Variants in CNTN5 observed in about 807,000 individuals in gnomAD.
The protein encoded by CNTN5 is contactin-5.
CNTN5 carries 77 observed loss-of-function variants against 129.1 expected under a neutral mutation model. The ratio of observed to expected loss-of-function variants is 0.60; its 90% CI spans 0.50 to 0.72. The LOEUF is 0.72. Ranked by LOEUF, CNTN5 falls within the 30% of genes least tolerant of loss-of-function variation. CNTN5 has a pLI of 0.00. For missense variants in CNTN5, 1,478 were observed against 1,328.8 expected (o/e 1.11, Z -1.75); for synonymous variants, 509 against 465.6 (o/e 1.09, Z -1.20).
At chr11:99,069,941 C>G (rs1012860145) in intron 1 of CNTN5, among the ~76,000 whole-genome samples, 1 of 152,130 alleles carries the variant, frequency 6.6e-6, no homozygotes, top group Admixed American at 6.6e-5. Context: ...ATTTAATTAG[C>G]CATTTAACTT....
chr11:99,856,385 T>C (rs182228112), intron 6 of CNTN5, among the ~76,000 whole-genome samples: 27 of 152,272 alleles, frequency 1.8e-4, no homozygotes, highest in Admixed American at 1.2e-3. Flanking sequence ...ACACCTTATC[T>C]TTCACAACTT....
intron 2 of CNTN5, among the ~76,000 whole-genome samples, chr11:99,439,721 A>AAAAAG (rs1565583475): frequency 1.6e-4 from 23 of 145,728 alleles, no homozygotes; most frequent in Non-Finnish European, 2.3e-4. Context: ...AAAAAAAAAA[A>AAAAAG]AAAAGAAAAA....
intron 2 of CNTN5, among the ~76,000 whole-genome samples, chr11:99,344,287 C>T (rs1866653992): frequency 6.6e-6 from 1 of 152,068 alleles, no homozygotes; most frequent in Non-Finnish European, 1.5e-5. Context: ...GAGGAATTAC[C>T]TTTCTCATTG....
intron 6 of CNTN5, among the ~76,000 whole-genome samples, chr11:99,915,201 G>T (rs951380914): frequency 6.6e-6 from 1 of 151,998 alleles, no homozygotes; most frequent in African/African-American, 2.4e-5. Context: ...TAGTCTAAAA[G>T]TTGTCTTATT....
intron 13 of CNTN5, among the ~76,000 whole-genome samples, chr11:100,163,610 C>A (rs918977649): frequency 2.0e-5 from 3 of 151,606 alleles, no homozygotes; most frequent in African/African-American, 7.3e-5. Flanking sequence ...GTCCTGAAAT[C>A]AATCAATCAG....
intron 19 of CNTN5, among the ~76,000 whole-genome samples, 187 bp from the exon 20 acceptor site, chr11:100,298,975 C>T (rs1463754343): frequency 6.6e-6 from 1 of 151,270 alleles, no homozygotes; most frequent in African/African-American, 2.4e-5. Flanking sequence ...CTTCTTTTAC[C>T]TTTAAAGCTT....
intron 20 of CNTN5, among the ~76,000 whole-genome samples, chr11:100,304,003 G>A (rs1179243018): frequency 6.6e-6 from 1 of 151,492 alleles, no homozygotes; most frequent in Non-Finnish European, 1.5e-5. Context: ...TGCTCTAAGG[G>A]TCTCTTGGGA....
At chr11:100,009,751 G>A (rs552249706) in intron 9 of CNTN5, among the ~76,000 whole-genome samples, 3 of 152,250 alleles carry the variant, frequency 2.0e-5, no homozygotes, top group South Asian at 2.1e-4. Context: ...TAGATGTAAT[G>A]TTCCCTGAAA....
At chr11:99,318,935 T>A (rs891199787) in intron 1 of CNTN5, among the ~76,000 whole-genome samples, 4 of 152,178 alleles carry the variant, frequency 2.6e-5, no homozygotes, top group African/African-American at 9.7e-5. Flanking sequence ...TAATTGAAAA[T>A]CTGCAGTCTT....
At chr11:99,471,159 A>C (rs995381568) in intron 2 of CNTN5, among the ~76,000 whole-genome samples, 4 of 151,864 alleles carry the variant, frequency 2.6e-5, no homozygotes, top group Admixed American at 2.0e-4. Context: ...TAAAAAAAAA[A>C]ACAAATTTTC....
chr11:100,297,678 T>A lies in CNTN5; in HGVS notation c.2368T>A (p.Leu790Ile), dbSNP rs141228828. The A allele has an allele frequency of 9.0e-3, 14,417 of 1,602,930 alleles. 80 individuals carry two copies. The highest frequency in any genetic ancestry group is 0.011 in the Non-Finnish European group (12,525 of 1,173,524). The change falls in exon 19 of 25, where the codon TTA (leucine) becomes ATA (isoleucine). Residue 790 changes from leucine to isoleucine, a missense_variant. Leu to Ile is a conservative substitution (Grantham distance 5). Transcript: ENST00000524871. Reference sequence around the variant, plus strand: ...CGGAAGAAGTGGAAGAAGGCATGAGTTAGTCATTGCCTGGGAGGTAAGAAA... The same window carrying A: ...CGGAAGAAGTGGAAGAAGGCATGAGATAGTCATTGCCTGGGAGGTAAGAAA... The part of the protein sequence containing the change: ...VSGRSGRRHE[L>I]VIAWEPVSEE...
intron 7 of CNTN5, among the ~76,000 whole-genome samples, chr11:99,946,149 C>T (rs953115879): frequency 1.3e-5 from 2 of 152,052 alleles, no homozygotes; most frequent in Non-Finnish European, 1.5e-5. Flanking sequence ...ATTTATTCAC[C>T]TAACAACTGG....
At chr11:99,398,897 G>GA (rs1462454288) in intron 2 of CNTN5, among the ~76,000 whole-genome samples, 1 of 151,604 alleles carries the variant, frequency 6.6e-6, no homozygotes, top group Non-Finnish European at 1.5e-5. Flanking sequence ...CTCTCCTTTT[G>GA]AAAATCACAC....
chr11:99,969,331 A>G (rs61910571), intron 8 of CNTN5, among the ~76,000 whole-genome samples: 26,468 of 152,138 alleles, frequency 0.17, 2,420 homozygotes, highest in Middle Eastern at 0.22. Flanking sequence ...TGAAAGACAT[A>G]AACTTTTGAT....
At chr11:100,353,906 A>AC (rs1045129641) in intron 24 of CNTN5, among the ~76,000 whole-genome samples, 23 of 150,866 alleles carry the variant, frequency 1.5e-4, no homozygotes, top group Non-Finnish European at 2.2e-4. Flanking sequence ...AACTAAAACT[A>AC]CCCCCCCAAA....
intron 3 of CNTN5, among the ~76,000 whole-genome samples, chr11:99,784,979 T>G (rs1316775166): frequency 6.6e-6 from 1 of 151,882 alleles, no homozygotes; most frequent in Non-Finnish European, 1.5e-5. Context: ...TTTTGTATTT[T>G]TAGTAGAGAC....
At chr11:99,038,382 C>T (rs538180989) in intron 1 of CNTN5, among the ~76,000 whole-genome samples, 30 of 152,124 alleles carry the variant, frequency 2.0e-4, no homozygotes, top group African/African-American at 2.9e-4. Flanking sequence ...ATCAGATCAG[C>T]GTAATTAGCA....
chr11:99,655,744 C>A (rs1952331859), intron 3 of CNTN5, among the ~76,000 whole-genome samples: 1 of 152,048 alleles, frequency 6.6e-6, no homozygotes, highest in Admixed American at 6.6e-5. Flanking sequence ...TATACACACA[C>A]ATAGATGTAT....
At chr11:99,290,870 C>G (rs932318316) in intron 1 of CNTN5, among the ~76,000 whole-genome samples, 1 of 151,790 alleles carries the variant, frequency 6.6e-6, no homozygotes, top group Non-Finnish European at 1.5e-5. Flanking sequence ...TAAAGTTATG[C>G]TTTAACTTAC....
Sources: gnomAD v4.1 joint callset for allele counts (sites outside exome capture counted in the v4.1 genomes callset) on GRCh38, gnomAD v4.1.1 for gene constraint, MANE v1.5 for transcripts, NCBI Gene and HGNC (gene_info 2026-07-23, HGNC 2026-07-21) for gene names.